The following PDE4D variants were observed in gnomAD, a reference collection of about 807,000 sequenced individuals.
PDE4D encodes phosphodiesterase 4D, also known as 3',5'-cyclic-AMP phosphodiesterase 4D.
PDE4D carries 24 observed loss-of-function variants against 87.4 expected under a neutral mutation model. The ratio of observed to expected loss-of-function variants is 0.27; its 90% CI spans 0.20 to 0.39. PDE4D has a LOEUF of 0.39. Among genes scored for constraint, PDE4D ranks in the 10% least tolerant of loss-of-function variants. PDE4D has a pLI of 1.00. For missense variants in PDE4D, 714 were observed against 1,041.0 expected (o/e 0.69, Z 4.32); for synonymous variants, 384 against 383.2 (o/e 1.00, Z -0.02).
At chr5:59,387,655 A>G (rs1787359795) in intron 1 of PDE4D, among the ~76,000 whole-genome samples, 1 of 152,120 alleles carries the variant, frequency 6.6e-6, no homozygotes, top group South Asian at 2.1e-4. Context: ...AAAGGTATAT[A>G]TATATTTAAA....
chr5:59,631,289 T>C (rs575979001), intron 1 of PDE4D, among the ~76,000 whole-genome samples: 4 of 152,290 alleles, frequency 2.6e-5, no homozygotes, highest in East Asian at 3.9e-4. Context: ...GAGAGTAGAT[T>C]TGAACCCACC....
chr5:59,580,968 A>G (rs1415984967), intron 1 of PDE4D, among the ~76,000 whole-genome samples: 1 of 152,144 alleles, frequency 6.6e-6, no homozygotes, highest in Non-Finnish European at 1.5e-5. Flanking sequence ...GGAGAGATAT[A>G]TATGTATAAA....
intron 1 of PDE4D, among the ~76,000 whole-genome samples, chr5:60,303,536 T>C (rs1349890428): frequency 6.6e-6 from 1 of 151,182 alleles, no homozygotes; most frequent in Admixed American, 6.6e-5. Context: ...CTCGATCTCC[T>C]GACCTCGTGA....
At position 59,093,615 on chromosome 5, in the gene PDE4D, G is replaced by T. The variant is rs79680926; in HGVS notation, c.809-54644C>A. On this transcript the variant is annotated intron_variant, in intron 5 of 14. Transcript: ENST00000340635. ...TGATTGAACAACCTATGATGCAACA[G>T]TGCAACCCTACAGTTGACGAGCCCT... Among the ~76,000 whole-genome samples, 1,160 of 152,046 alleles carry T rather than the reference G, an allele frequency of 7.6e-3. 16 individuals carry two copies. Among genetic ancestry groups the T allele is most frequent in the African/African-American group, 0.027 (1,102 of 41,546 alleles).
chr5:59,677,529 C>T (rs1265935821), intron 1 of PDE4D, among the ~76,000 whole-genome samples: 11 of 152,120 alleles, frequency 7.2e-5, no homozygotes, highest in Admixed American at 7.2e-4. Context: ...GAAAGAACAA[C>T]GGGAGCTGTG....
rs560575890 is a variant in PDE4D, at chr5:59,291,819, T to C, written c.456-75851A>G. On this transcript the variant is annotated intron_variant, in intron 1 of 14. Transcript: ENST00000340635. ...CTTAACTATTTAACCTGACCTTGTA[T>C]ATTAATTTGTGCTCTTTTGGGGAGA... is the stretch of plus-strand genomic sequence containing the variant. Among the ~76,000 whole-genome samples the C allele has an allele frequency of 3.7e-4, 56 of 151,150 alleles. 1 individual carries two copies. Among genetic ancestry groups the C allele is most frequent in the African/African-American group, 1.4e-3 (56 of 41,068 alleles).
At chr5:60,395,609 T>A (rs190401510) in intron 1 of PDE4D, among the ~76,000 whole-genome samples, 1 of 152,216 alleles carries the variant, frequency 6.6e-6, no homozygotes, top group African/African-American at 2.4e-5. Flanking sequence ...TAATAAGTAG[T>A]GAGGCAGAAA....
intron 5 of PDE4D, among the ~76,000 whole-genome samples, chr5:59,114,172 T>A (rs952955733): frequency 3.1e-4 from 42 of 135,248 alleles, no homozygotes; most frequent in Admixed American, 7.2e-4. Context: ...TGCAGAAAAA[T>A]TTTTTTTTTG....
intron 1 of PDE4D, among the ~76,000 whole-genome samples, chr5:60,504,081 A>T (rs1437233814): frequency 1.3e-5 from 2 of 152,184 alleles, no homozygotes; most frequent in African/African-American, 4.8e-5. Flanking sequence ...GAAAAGAAAG[A>T]TGATAAGTCA....
At chr5:59,737,075 C>T (rs559868401) in intron 1 of PDE4D, among the ~76,000 whole-genome samples, 31 of 152,122 alleles carry the variant, frequency 2.0e-4, no homozygotes, top group African/African-American at 3.4e-4. Context: ...ACTAAGGAAA[C>T]GACTTAATAC....
At chr5:59,152,990 T>C (rs1440213466) in intron 5 of PDE4D, among the ~76,000 whole-genome samples, 5 of 152,080 alleles carry the variant, frequency 3.3e-5, no homozygotes, top group Non-Finnish European at 7.4e-5. Flanking sequence ...GAGAAAGAGA[T>C]CAGAGATCTA....
At chr5:59,208,166 C>A (rs938344754) in intron 2 of PDE4D, among the ~76,000 whole-genome samples, 2 of 152,030 alleles carry the variant, frequency 1.3e-5, no homozygotes, top group African/African-American at 4.8e-5. Context: ...GACTCTATCT[C>A]AAAACAAACA....
chr5:59,198,216 T>A (rs577566159), intron 2 of PDE4D, among the ~76,000 whole-genome samples: 81 of 151,894 alleles, frequency 5.3e-4, no homozygotes, highest in Non-Finnish European at 7.4e-5. Flanking sequence ...ACAGCTCTTT[T>A]AAAAAAAAGA....
At chr5:60,412,419 G>C (rs72755119) in intron 1 of PDE4D, among the ~76,000 whole-genome samples, 2 of 152,096 alleles carry the variant, frequency 1.3e-5, no homozygotes, top group Non-Finnish European at 2.9e-5. Context: ...GGAGGTATTT[G>C]GGCAGTCTCA....
intron 1 of PDE4D, among the ~76,000 whole-genome samples, chr5:60,484,858 A>G (rs1186876648): frequency 1.3e-5 from 2 of 152,228 alleles, no homozygotes; most frequent in Non-Finnish European, 2.9e-5. Flanking sequence ...TACACATTAC[A>G]ATGTTCTTTT....
At chr5:59,598,665 A>G (rs1195073507) in intron 1 of PDE4D, among the ~76,000 whole-genome samples, 2 of 152,048 alleles carry the variant, frequency 1.3e-5, no homozygotes. Context: ...CTCTTCATAG[A>G]CTGCAGGTCT....
At chr5:60,176,165 G>A (rs1783884161) in intron 2 of PDE4D, among the ~76,000 whole-genome samples, 1 of 152,098 alleles carries the variant, frequency 6.6e-6, no homozygotes, top group Admixed American at 6.6e-5. Context: ...TTTCATGCTA[G>A]CCCATACTCA....
intron 1 of PDE4D, among the ~76,000 whole-genome samples, chr5:60,343,733 C>T (rs1328807678): frequency 6.6e-6 from 1 of 152,036 alleles, no homozygotes; most frequent in African/African-American, 2.4e-5. Flanking sequence ...GAATCTCTAC[C>T]ATCAAAAAGC....
intron 1 of PDE4D, among the ~76,000 whole-genome samples, chr5:59,354,736 T>G (rs1445586094): frequency 6.6e-6 from 1 of 152,210 alleles, no homozygotes; most frequent in Non-Finnish European, 1.5e-5. Context: ...ATGATAGATA[T>G]GATCATATCA....
Sources: gnomAD v4.1 joint callset for allele counts (sites outside exome capture counted in the v4.1 genomes callset) on GRCh38, gnomAD v4.1.1 for gene constraint, MANE v1.5 for transcripts, NCBI Gene and HGNC (gene_info 2026-07-23, HGNC 2026-07-21) for gene names.